Variants in TIMD4 observed in about 807,000 individuals in gnomAD.
The protein encoded by TIMD4 is T-cell immunoglobulin and mucin domain-containing protein 4.
Under a neutral mutation model 41.2 loss-of-function variants are expected in TIMD4, and 31 were observed. That is an observed-to-expected ratio of 0.75 (90% CI 0.57 to 1.01). The LOEUF (loss-of-function observed/expected upper bound fraction) is 1.01. TIMD4 is among the 50% of genes least tolerant of loss of function. The pLI is 0.00. For synonymous variants in TIMD4, 204 were observed against 177.1 expected, an observed-to-expected ratio of 1.15 and a Z score of -1.21; for missense variants, 479 against 472.5, an observed-to-expected ratio of 1.01 and a Z score of -0.13.
intron 1 of TIMD4, among the ~76,000 whole-genome samples, chr5:156,960,695 C>G (rs1490532799): frequency 1.3e-5 from 2 of 152,208 alleles, no homozygotes; most frequent in Non-Finnish European, 2.9e-5. Context: ...GCATGAGCCA[C>G]CACCCCTGGC....
intron 5 of TIMD4, among the ~76,000 whole-genome samples, chr5:156,928,121 T>C (rs1024000955): frequency 6.6e-6 from 1 of 151,996 alleles, no homozygotes; most frequent in African/African-American, 2.4e-5. Flanking sequence ...CTGGCCAATA[T>C]GCTGAAACTA....
chr5:156,919,613 A>G (rs770935804), intron 8 of TIMD4, 72 bp from the exon 9 acceptor site: 9 of 1,266,952 alleles, frequency 7.1e-6, no homozygotes, highest in Non-Finnish European at 1.0e-5. Context: ...GATGCTGCTA[A>G]GTTACAGTGC....
At chr5:156,933,929 G>A (rs970895929) in intron 5 of TIMD4, among the ~76,000 whole-genome samples, 1 of 152,110 alleles carries the variant, frequency 6.6e-6, no homozygotes, top group African/African-American at 2.4e-5. Flanking sequence ...AACCCCCATG[G>A]TATCAAGGAA....
chr5:156,950,990 G>A (rs915816428), intron 3 of TIMD4, among the ~76,000 whole-genome samples: 1 of 140,654 alleles, frequency 7.1e-6, no homozygotes, highest in African/African-American at 2.6e-5. Context: ...GAACAATTTG[G>A]TGAAAACACC....
At position 156,963,144 on chromosome 5, in the gene TIMD4, G is replaced by A; in HGVS notation, c.55C>T (p.Leu19=). The part of the protein sequence containing the change: ...WLMIEFWWLY[L]TPVTSETVVT... Reference sequence around the variant, plus strand: ...TAGAAGGTTTCAGAACACTTACTCAGGTAAAGCCACCAAAACTCAATCATC... The same window carrying A: ...TAGAAGGTTTCAGAACACTTACTCAAGTAAAGCCACCAAAACTCAATCATC... The change falls in exon 1 of 9, where the codon CTG becomes TTG. Residue 19 remains leucine (L), a synonymous_variant. Transcript: ENST00000274532. The A allele has an allele frequency of 1.2e-6, 2 of 1,614,038 alleles. No homozygotes were observed. The highest frequency in any genetic ancestry group is 1.3e-5 in the African/African-American group (1 of 75,058).
intron 5 of TIMD4, among the ~76,000 whole-genome samples, chr5:156,946,050 T>A (rs1581625832): frequency 1.3e-5 from 2 of 152,358 alleles, no homozygotes; most frequent in East Asian, 1.9e-4. Context: ...TTCTGGGATT[T>A]GGTCAAGGAG....
rs1435220234 is a variant in TIMD4 at position 156,961,797 on chromosome 5, A to C, written c.58+1344T>G. On this transcript the variant is annotated intron_variant, in intron 1 of 8. Transcript: ENST00000274532. ...GCAGTCCGGCCTAGGCAAAAGAGCG[A>C]GACTCCGTCTCAAAAAAAAAAAAAA... 4.0e-5 allele frequency among the ~76,000 whole-genome samples: 5 copies of C among 125,994 alleles called. No individual in the cohort carries two copies. In the East Asian group the frequency reaches 1.3e-3, roughly 32 times the overall value. The allele number at this position is 125,994 out of a possible 152,430, so 82.7% of individuals were successfully genotyped here. A position where few individuals can be genotyped will look rare whatever the true frequency, so the allele number is the denominator to read the frequency against.
At chr5:156,948,352 T>A (rs1759784721) in intron 5 of TIMD4, 64 bp downstream of exon 5, 38 of 917,846 alleles carry the variant, frequency 4.1e-5, no homozygotes, top group Non-Finnish European at 5.6e-6. Context: ...AGATTCTGTC[T>A]AAAAAAAATA....
chr5:156,940,461 G>C (rs956704843), intron 5 of TIMD4, among the ~76,000 whole-genome samples: 10 of 152,026 alleles, frequency 6.6e-5, no homozygotes, highest in Admixed American at 2.0e-4. Flanking sequence ...CGCCCAGCCT[G>C]GGAAGTGAGG....
intron 8 of TIMD4, 37 bp downstream of exon 8, chr5:156,920,427 C>T: frequency 1.9e-6 from 3 of 1,607,362 alleles, no homozygotes; most frequent in Non-Finnish European, 2.6e-6. Flanking sequence ...ACAGCTTGTA[C>T]AATCATTACA....
chr5:156,922,481 A>T (rs1310709504), intron 6 of TIMD4, among the ~76,000 whole-genome samples: 2 of 152,186 alleles, frequency 1.3e-5, no homozygotes, highest in East Asian at 3.8e-4. Flanking sequence ...CCATGGTCAA[A>T]TCTCTTTCCT....
chr5:156,939,924 C>T (rs1015602860), intron 5 of TIMD4, among the ~76,000 whole-genome samples: 2 of 152,208 alleles, frequency 1.3e-5, no homozygotes, highest in Non-Finnish European at 2.9e-5. Context: ...CTGAAAATGC[C>T]ATTCCCTACT....
intron 6 of TIMD4, chr5:156,924,508 C>T: frequency 2.3e-6 from 1 of 443,868 alleles, no homozygotes; most frequent in Non-Finnish European, 4.5e-6. Flanking sequence ...GCTAGAGGTT[C>T]AAAAATAAAG....
At position 156,954,507 on chromosome 5, in the gene TIMD4, C is replaced by T; in HGVS notation, c.308G>A (p.Ser103Asn). Residue 103 changes from serine to asparagine, a missense_variant, in exon 2 of 9, where the codon AGT becomes AAT. By Grantham distance (46) the Ser-to-Asn change is conservative. Coordinates refer to ENST00000274532, the MANE Select transcript of TIMD4 (RefSeq NM_138379.3). The part of the protein sequence containing the change: ...GDVSLTILNP[S>N]ESDSGVYCCR... Reference sequence around the variant, plus strand: ...GCAGTACACACCGCTGTCACTTTCACTGGGGTTTAAGATGGTCAAGGAGAC... The same window carrying T: ...GCAGTACACACCGCTGTCACTTTCATTGGGGTTTAAGATGGTCAAGGAGAC... 6.2e-7 allele frequency: 1 copy of T among 1,614,250 alleles called. No individual in the cohort carries two copies. The highest frequency in any genetic ancestry group is 1.1e-5 in the South Asian group (1 of 91,082).
In TIMD4 at chr5:156,926,255, T is replaced by G. The variant is rs372341790; in HGVS notation, c.894+8A>C. ...TGATATACTGCAAATACTTCACAGATTTTTTACCTGTCCTGTTTTTGTTGT... is the reference window on the plus strand; with the variant it reads ...TGATATACTGCAAATACTTCACAGAGTTTTTACCTGTCCTGTTTTTGTTGT... On this transcript the variant is annotated splice_region_variant and intron_variant, in intron 6 of 8. Transcript: ENST00000274532. The G allele has an allele frequency of 4.0e-5, 64 of 1,612,744 alleles. No homozygotes were observed. The African/African-American group carries it at 8.1e-4, about 21-fold the overall frequency.
At chr5:156,953,131 A>G (rs556242134) in intron 2 of TIMD4, among the ~76,000 whole-genome samples, 2 of 152,362 alleles carry the variant, frequency 1.3e-5, no homozygotes, top group East Asian at 3.9e-4. Context: ...ATAAAGGTCA[A>G]GTATTTTATA....
At position 156,954,728 on chromosome 5, in the gene TIMD4, C is replaced by A. The variant is rs370041754; in HGVS notation, c.87G>T (p.Thr29=). 11 of 1,613,064 alleles carry A rather than the reference C, an allele frequency of 6.8e-6. No individual in the cohort carries two copies. Among genetic ancestry groups the A allele is most frequent in the Admixed American group, 1.7e-5 (1 of 59,962 alleles). Residue 29 remains threonine, a synonymous_variant, in exon 2 of 9, where the codon ACG becomes ACT. Transcript: ENST00000274532. ...LTPVTSETVV[T]EVLGHRVTLP... is the part of the protein sequence containing the mutation. ...AAGTCACCCGGTGACCCAAAACCTC[C>A]GTCACAACAGTCTCTGAAGTGACTG... is the stretch of plus-strand genomic sequence containing the variant.
intron 5 of TIMD4, among the ~76,000 whole-genome samples, 199 bp downstream of exon 5, chr5:156,948,217 A>G (rs1759779906): frequency 6.6e-6 from 1 of 151,934 alleles, no homozygotes; most frequent in Non-Finnish European, 1.5e-5. Context: ...ACACAGCCCC[A>G]GGCCAGGCAA....
At chr5:156,951,028 A>C (rs555482592) in intron 3 of TIMD4, among the ~76,000 whole-genome samples, 1 of 151,772 alleles carries the variant, frequency 6.6e-6, no homozygotes, top group South Asian at 2.1e-4. Flanking sequence ...ACACACACAC[A>C]CACCCATGCC....
Sources: allele counts gnomAD v4.1 joint callset (sites outside exome capture counted in the v4.1 genomes callset), GRCh38; gene constraint gnomAD v4.1.1; transcripts MANE v1.5; gene names NCBI Gene and HGNC (gene_info 2026-07-23, HGNC 2026-07-21).